The following CSF3R variants were observed in gnomAD, a reference collection of about 807,000 sequenced individuals.
CSF3R encodes colony stimulating factor 3 receptor.
In CSF3R, 52 loss-of-function variants were observed where a neutral mutation model predicts 84.4. The observed-to-expected ratio is 0.62, with a 90% CI of 0.49 to 0.78. CSF3R has a LOEUF of 0.78. CSF3R is among the 30% of genes least tolerant of loss of function. The pLI, the probability that CSF3R is intolerant of heterozygous loss-of-function variation, is 0.00. For synonymous variants in CSF3R, 384 were observed against 429.1 expected, an observed-to-expected ratio of 0.89 and a Z score of 1.30; for missense variants, 890 against 1,055.7, an observed-to-expected ratio of 0.84 and a Z score of 2.17.
Position 36,467,644 on chromosome 1 carries a change from C to T in CSF3R, c.1872G>A (p.Ser624=), listed in dbSNP as rs145218850. 73 of 1,614,022 alleles carry T rather than the reference C, an allele frequency of 4.5e-5. No homozygotes were observed. The Admixed American group carries it at 7.2e-4, about 16-fold the overall frequency. Residue 624 remains serine, a synonymous_variant, in exon 15 of 17, where the codon TCG becomes TCA. Transcript: ENST00000373106. This position sits in a 1 kb window ranked among gnomAD's most constrained non-coding sequence, Gnocchi z 4.1. The part of the protein sequence containing the change: ...LTLMTLTPEG[S]ELHIILGLFG... ...ACAGGCCCAGGATGATGTGTAGCTC[C>T]GACCCCTCTGCAGTGAGGGCAGGGC... is the stretch of plus-strand genomic sequence containing the variant.
chr1:36,469,233 T>C lies in CSF3R; in HGVS notation c.1499A>G (p.Tyr500Cys). 1 of 1,614,026 alleles carries C rather than the reference T, an allele frequency of 6.2e-7. No homozygotes were observed. The highest frequency in any genetic ancestry group is 8.5e-7 in the Non-Finnish European group (1 of 1,179,912). The stretch of plus-strand genomic sequence containing the variant: ...GTACAAGGGAGTCACGATGATCTCA[T>C]AGAGCTGAAAGGGCCTGATGTTCTC... Reference protein sequence around the residue: ...LKENIRPFQLYEIIVTPLYQD... With the variant: ...LKENIRPFQLCEIIVTPLYQD... The change falls in exon 12 of 17, where the codon TAT (tyrosine) becomes TGT (cysteine). Residue 500 changes from tyrosine (Y) to cysteine (C), a missense_variant. By Grantham distance (194) the Tyr-to-Cys change is radical (BLOSUM62 -2). Transcript: ENST00000373106.
chr1:36,483,020 T>A (rs888777664), upstream of CSF3R: 2 of 152,150 alleles, frequency 1.3e-5, no homozygotes, highest in Non-Finnish European at 2.9e-5. Flanking sequence ...GGCAGCCCCT[T>A]CCTCCCAGGA....
chr1:36,478,599 A>G (rs945313369), intron 3 of CSF3R, among the ~76,000 whole-genome samples: 1 of 151,040 alleles, frequency 6.6e-6, no homozygotes, highest in Non-Finnish European at 1.5e-5. Context: ...TGTAATCCCC[A>G]TACTTTGGGA....
At position 36,468,289 on chromosome 1, in the gene CSF3R, G is replaced by C. The variant is rs1346883621; in HGVS notation, c.1577-68C>G. 6 of 1,488,008 alleles carry C rather than the reference G, an allele frequency of 4.0e-6. No homozygotes were observed. The African/African-American group carries it at 8.4e-5, about 21-fold the overall frequency. The allele number at this position is 1,488,008 out of a possible 1,614,324, so 92.2% of individuals were successfully genotyped here. A position where few individuals can be genotyped will look rare whatever the true frequency, so the allele number is the denominator to read the frequency against. On this transcript the variant is annotated intron_variant, in intron 12 of 16. Transcript: ENST00000373106. ...GAGCAAGAGCCCGGTTGGACTTCTT[G>C]TGGCTTCCCAGACACTGTGGGGTGG...
In CSF3R at chr1:36,466,414, G is replaced by A. The variant is rs1650313816; in HGVS notation, c.2454C>T (p.Asn818=). 6.2e-7 allele frequency: 1 copy of A among 1,613,698 alleles called. No individual in the cohort carries two copies. The highest frequency in any genetic ancestry group is 8.5e-7 in the Non-Finnish European group (1 of 1,179,996). The part of the protein sequence containing the change: ...EDDCVFGPLL[N]FPLLQGIRVH... ...CCCGGATCCCCTGCAGGAGGGGGAA[G>A]TTGAGCAGTGGCCCAAAGACACAGT... The change falls in exon 17 of 17, where the codon AAC becomes AAT. Residue 818 remains asparagine, a synonymous_variant. Coordinates refer to ENST00000373106, the MANE Select transcript of CSF3R (RefSeq NM_000760.4). The surrounding 1 kb of genome is among the most constrained non-coding windows in gnomAD (Gnocchi z 4.6).
At chr1:36,475,921 G>A in intron 3 of CSF3R, 1 of 483,130 alleles carries the variant, frequency 2.1e-6, no homozygotes, top group South Asian at 3.2e-5. Context: ...GGTTTGTAGT[G>A]TGTGCCTTTC....
Position 36,466,184 on chromosome 1 carries a change from C to A in CSF3R, c.*173G>T, listed in dbSNP as rs777880216. 8.7e-6 allele frequency: 14 copies of A among 1,614,018 alleles called. No individual in the cohort carries two copies. Among genetic ancestry groups the A allele is most frequent in the Non-Finnish European group, 7.6e-6 (9 of 1,180,042 alleles). On this transcript the variant is annotated 3_prime_UTR_variant, in exon 17 of 17. Transcript: ENST00000373106. This position sits in a 1 kb window ranked among gnomAD's most constrained non-coding sequence, Gnocchi z 4.6. Reference sequence around the variant, plus strand: ...GATCTGGTCCTTAAAGTATGCAGATCGCCTGGGAGGCCCAGCCTATGGAGA... The same window carrying A: ...GATCTGGTCCTTAAAGTATGCAGATAGCCTGGGAGGCCCAGCCTATGGAGA...
chr1:36,477,126 A>T (rs920434358), intron 3 of CSF3R: 1 of 152,168 alleles, frequency 6.6e-6, no homozygotes, highest in South Asian at 2.1e-4. Flanking sequence ...CTTCATAATT[A>T]TAGAGTCTTA....
rs1429493880 is a variant in CSF3R, at chr1:36,472,471, C to A, written c.843+46G>T. On this transcript the variant is annotated intron_variant, in intron 7 of 16. Coordinates refer to ENST00000373106, the MANE Select transcript of CSF3R (RefSeq NM_000760.4). The surrounding 1 kb of genome is among the most constrained non-coding windows in gnomAD (Gnocchi z 5.0). ...CAGCTCGAGCCCGACTTACCCTGCC[C>A]CCTGCCCCCACCACCTCAGGCTCTC... 6.2e-7 allele frequency: 1 copy of A among 1,613,922 alleles called. No individual in the cohort carries two copies. The highest frequency in any genetic ancestry group is 1.3e-5 in the African/African-American group (1 of 74,932).
intron 10 of CSF3R, 57 bp downstream of exon 10, chr1:36,471,376 A>G (rs1264894731): frequency 5.9e-6 from 9 of 1,531,136 alleles, no homozygotes; most frequent in Admixed American, 5.0e-5. Context: ...CAGGCAGTCT[A>G]GCCTTTGAAT....
In CSF3R at chr1:36,467,059, G is replaced by C; in HGVS notation, c.2040+171C>G. Reference sequence around the variant, plus strand: ...TCCATATCACAGGGAGGTGACTGAGGCTTTGAGATGGACAGAGGTGGGATT... The same window carrying C: ...TCCATATCACAGGGAGGTGACTGAGCCTTTGAGATGGACAGAGGTGGGATT... On this transcript the variant is annotated intron_variant, in intron 16 of 16. Transcript: ENST00000373106. This position sits in a 1 kb window ranked among gnomAD's most constrained non-coding sequence, Gnocchi z 4.1. The C allele has an allele frequency of 4.0e-6, 5 of 1,242,116 alleles. No individual in the cohort carries two copies. The highest frequency in any genetic ancestry group is 5.8e-6 in the Non-Finnish European group (5 of 868,920). The allele number at this position is 1,242,116 out of a possible 1,614,324, so 76.9% of individuals were successfully genotyped here.
rs946096806 is a variant in CSF3R, at chr1:36,466,501, G to A, written c.2367C>T (p.Asn789=). ...GLTPSPKSYE[N]LWFQASPLGT... ...CCAAGGGGCTGGCCTGGAACCAGAG[G>A]TTCTCATAGGACTTGGGGCTGGGGG... The change falls in exon 17 of 17, where the codon AAC becomes AAT. Residue 789 remains asparagine (N), a synonymous_variant. Transcript: ENST00000373106. The surrounding 1 kb of genome is among the most constrained non-coding windows in gnomAD (Gnocchi z 4.6). 9.3e-6 allele frequency: 15 copies of A among 1,611,128 alleles called. No homozygotes were observed. In the Middle Eastern group the frequency reaches 1.2e-3, roughly 126 times the overall value.
intron 3 of CSF3R, chr1:36,479,094 C>T: frequency 5.0e-6 from 2 of 401,148 alleles, no homozygotes; most frequent in Non-Finnish European, 9.5e-6. Flanking sequence ...AACCTGTCCC[C>T]TTGTAGCTTC....
chr1:36,476,621 G>GT (rs112688098), intron 3 of CSF3R, among the ~76,000 whole-genome samples: 5,331 of 143,922 alleles, frequency 0.037, 109 homozygotes, highest in African/African-American at 0.051. Context: ...TGTCCCTGCT[G>GT]TTTTTTTTTT....
At chr1:36,482,357 G>C (rs1455235115) in intron 1 of CSF3R, among the ~76,000 whole-genome samples, 1 of 152,004 alleles carries the variant, frequency 6.6e-6, no homozygotes, top group Non-Finnish European at 1.5e-5. Context: ...GTTACCGAGA[G>C]TTTAAGATTC....
intron 6 of CSF3R, 25 bp downstream of exon 6, chr1:36,473,410 C>A (rs374801068): frequency 4.8e-5 from 77 of 1,610,752 alleles, no homozygotes; most frequent in Non-Finnish European, 5.9e-5. Context: ...TTTTGGGGAT[C>A]CCCTCCCTCC....
rs910586717 is a variant in CSF3R, at chr1:36,467,734, T to A, written c.1865-83A>T. 6 of 1,612,568 alleles carry A rather than the reference T, an allele frequency of 3.7e-6. No individual in the cohort carries two copies. The African/African-American group carries it at 6.7e-5, about 18-fold the overall frequency. Reference sequence around the variant, plus strand: ...CTCCCTCCGACCAGGGGATTCAAAGTCAGTCCCCAGCTACTCTCAAAATCA... The same window carrying A: ...CTCCCTCCGACCAGGGGATTCAAAGACAGTCCCCAGCTACTCTCAAAATCA... On this transcript the variant is annotated intron_variant, in intron 14 of 16. Transcript: ENST00000373106. This position sits in a 1 kb window ranked among gnomAD's most constrained non-coding sequence, Gnocchi z 4.1.
chr1:36,471,951 A>G (rs968737650), intron 9 of CSF3R, 115 bp downstream of exon 9: 6 of 1,044,546 alleles, frequency 5.7e-6, no homozygotes, highest in African/African-American at 1.6e-5. Context: ...TGCAAATCAC[A>G]TATAAATGCG....
intron 9 of CSF3R, 178 bp downstream of exon 9, chr1:36,471,888 C>T (rs1268716375): frequency 1.1e-5 from 8 of 714,754 alleles, no homozygotes; most frequent in East Asian, 5.4e-5. Flanking sequence ...CTGTGACGTG[C>T]GTTACAGTCT....
Sources: gnomAD v4.1 joint callset for allele counts (sites outside exome capture counted in the v4.1 genomes callset) on GRCh38, gnomAD v4.1.1 for gene constraint, Gnocchi (gnomAD v3.1) non-coding constraint, MANE v1.5 for transcripts, NCBI Gene and HGNC (gene_info 2026-07-23, HGNC 2026-07-21) for gene names.